LRRTM4: variants seen among roughly 807,000 people sequenced by gnomAD.
The protein encoded by LRRTM4 is leucine rich repeat transmembrane neuronal 4, also known as leucine-rich repeat transmembrane neuronal protein 4.
In LRRTM4, 25 loss-of-function variants were observed where a neutral mutation model predicts 47.6. The ratio of observed to expected loss-of-function variants is 0.53; its 90% CI spans 0.38 to 0.73. The LOEUF (loss-of-function observed/expected upper bound fraction) is 0.73. Ranked by LOEUF, LRRTM4 falls within the 30% of genes least tolerant of loss-of-function variation. The pLI is 0.00. For synonymous variants in LRRTM4, 311 were observed against 269.5 expected, an observed-to-expected ratio of 1.15 and a Z score of -1.51; for missense variants, 638 against 713.4, an observed-to-expected ratio of 0.89 and a Z score of 1.20.
At chr2:77,496,312 TTTTA>T (rs1213160501) in intron 3 of LRRTM4, among the ~76,000 whole-genome samples, 3 of 151,864 alleles carry the variant, frequency 2.0e-5, no homozygotes, top group Non-Finnish European at 4.4e-5. Flanking sequence ...TCTCTATGCC[TTTTA>T]TTTCTTTTTC....
At chr2:77,517,185 T>G (rs1679242689) in intron 3 of LRRTM4, 1 of 984,952 alleles carries the variant, frequency 1.0e-6, no homozygotes, top group South Asian at 4.7e-5. Context: ...TTTGTGACTA[T>G]TTGTCTGCTC....
chr2:77,484,965 C>T (rs1333510371), intron 3 of LRRTM4, among the ~76,000 whole-genome samples: 2 of 151,912 alleles, frequency 1.3e-5, no homozygotes, highest in Non-Finnish European at 2.9e-5. Context: ...TGCAGAAAGA[C>T]TAGGAAAACT....
intron 3 of LRRTM4, among the ~76,000 whole-genome samples, chr2:77,010,093 G>C (rs1259145557): frequency 2.0e-5 from 3 of 151,876 alleles, no homozygotes; most frequent in African/African-American, 7.2e-5. Flanking sequence ...GTTAATTCAA[G>C]CTATTTAACA....
chr2:77,118,625 TGA>T (rs1168052395), intron 3 of LRRTM4, among the ~76,000 whole-genome samples: 3 of 151,878 alleles, frequency 2.0e-5, no homozygotes, highest in African/African-American at 2.4e-5. Context: ...GGTGAATGAA[TGA>T]TCATCCCTGA....
At chr2:77,411,424 C>CTTTG (rs72056870) in intron 3 of LRRTM4, among the ~76,000 whole-genome samples, 1 of 94,372 alleles carries the variant, frequency 1.1e-5, no homozygotes, top group African/African-American at 2.9e-5. Flanking sequence ...TTTCTTGTTT[C>CTTTG]TCTCTCTCTC....
chr2:76,916,384 C>CAAAAAAAAAAAAAAAAAAAAAAAAAA (rs57874749), intron 3 of LRRTM4, among the ~76,000 whole-genome samples: 2 of 53,498 alleles, frequency 3.7e-5, no homozygotes, highest in African/African-American at 1.6e-4. Context: ...GACTGTGTCT[C>CAAAAAAAAAAAAAAAAAAAAAAAAAA]AAAAAAAAAA....
At chr2:76,801,768 T>C (rs960826707) in intron 3 of LRRTM4, among the ~76,000 whole-genome samples, 3 of 152,238 alleles carry the variant, frequency 2.0e-5, no homozygotes, top group East Asian at 1.9e-4. Context: ...AAAAGGATCA[T>C]TCACCACGAT....
In LRRTM4 at chr2:76,748,225, A is replaced by G. The variant is rs1337056691; in HGVS notation, c.*470T>C. 6.5e-6 allele frequency: 1 copy of G among 153,948 alleles called. No individual in the cohort carries two copies. Among genetic ancestry groups the G allele is most frequent in the African/African-American group, 2.4e-5 (1 of 41,474 alleles). The allele number at this position is 153,948 out of a possible 1,614,324, so 9.5% of individuals were successfully genotyped here. A position where few individuals can be genotyped will look rare whatever the true frequency, so the allele number is the denominator to read the frequency against. On this transcript the variant is annotated 3_prime_UTR_variant, in exon 4 of 4. Coordinates refer to ENST00000409884, the MANE Select transcript of LRRTM4 (RefSeq NM_001134745.3). ...CAAACAGCATTTTTAAAGAAAAAAT[A>G]AATGAAAGCAATTTAAATAAAATCT...
At chr2:77,030,509 AT>A (rs1678616492) in intron 3 of LRRTM4, among the ~76,000 whole-genome samples, 1 of 152,206 alleles carries the variant, frequency 6.6e-6, no homozygotes. Flanking sequence ...TTAAATCTAA[AT>A]TTGTAAAACC....
At chr2:76,866,019 C>CA (rs1162948774) in intron 3 of LRRTM4, among the ~76,000 whole-genome samples, 1 of 152,094 alleles carries the variant, frequency 6.6e-6, no homozygotes, top group Non-Finnish European at 1.5e-5. Context: ...AAGATTTACT[C>CA]AGTAGCCACC....
At position 76,796,061 on chromosome 2, in the gene LRRTM4, A is replaced by G. The variant is rs1326384752; in HGVS notation, c.1552-47145T>C. 1.7e-5 allele frequency among the ~76,000 whole-genome samples: 2 copies of G among 116,166 alleles called. 1 individual carries two copies. Among genetic ancestry groups the G allele is most frequent in the Non-Finnish European group, 3.4e-5 (2 of 59,148 alleles). 76.2% of individuals were successfully genotyped at this position (116,166 alleles called of 152,430 possible). ...GTCAAAGAAAGGGGTGATGTACTGC[A>G]CCTGGAAAATCGGGTCACTCCCACC... On this transcript the variant is annotated intron_variant, in intron 3 of 3. Coordinates refer to ENST00000409884, the MANE Select transcript of LRRTM4 (RefSeq NM_001134745.3).
intron 3 of LRRTM4, among the ~76,000 whole-genome samples, chr2:76,905,860 C>A (rs1423546653): frequency 1.3e-5 from 2 of 152,162 alleles, no homozygotes; most frequent in African/African-American, 2.4e-5. Flanking sequence ...AAGACCAAAT[C>A]TACATCTGAT....
At chr2:76,803,657 A>G (rs1178840649) in intron 3 of LRRTM4, among the ~76,000 whole-genome samples, 1 of 152,160 alleles carries the variant, frequency 6.6e-6, no homozygotes, top group Non-Finnish European at 1.5e-5. Flanking sequence ...TTTAAAGAGT[A>G]TTTGAAGAAA....
intron 3 of LRRTM4, chr2:77,009,906 G>A (rs906044918): frequency 4.0e-5 from 6 of 151,164 alleles, no homozygotes; most frequent in African/African-American, 1.5e-4. Flanking sequence ...CTTTTATTTT[G>A]CTCAGGACAG....
intron 3 of LRRTM4, among the ~76,000 whole-genome samples, chr2:77,385,290 A>G (rs2103801045): frequency 6.6e-6 from 1 of 152,280 alleles, no homozygotes; most frequent in East Asian, 1.9e-4. Context: ...ACATTTCTCA[A>G]CCTTTTGTCC....
chr2:76,908,793 G>T (rs1028044587), intron 3 of LRRTM4, among the ~76,000 whole-genome samples: 4 of 151,968 alleles, frequency 2.6e-5, no homozygotes, highest in African/African-American at 9.7e-5. Flanking sequence ...CAAGGGATGT[G>T]AAGGACCTCT....
Position 76,934,634 on chromosome 2 carries a change from G to T in LRRTM4, c.1552-185718C>A, listed in dbSNP as rs77393469. ...GTGGCCAATTTCAAGGTATCAGTAC[G>T]ATGTCCCTGAACATGGAGCTGGGAA... On this transcript the variant is annotated intron_variant, in intron 3 of 3. Coordinates refer to ENST00000409884, the MANE Select transcript of LRRTM4 (RefSeq NM_001134745.3). 4.3e-3 allele frequency among the ~76,000 whole-genome samples: 650 copies of T among 152,240 alleles called. 24 individuals carry two copies. In the South Asian group the frequency reaches 0.067, roughly 16 times the overall value.
At chr2:77,349,787 G>A (rs978238149) in intron 3 of LRRTM4, among the ~76,000 whole-genome samples, 14 of 152,046 alleles carry the variant, frequency 9.2e-5, no homozygotes, top group Non-Finnish European at 1.2e-4. Flanking sequence ...ATATGAAAAT[G>A]TTATGAAAGT....
intron 3 of LRRTM4, among the ~76,000 whole-genome samples, chr2:76,993,109 A>AT (rs1677071794): frequency 6.6e-6 from 1 of 151,860 alleles, no homozygotes. Context: ...TTCTGTGTAT[A>AT]TAAAAATAAC....
Sources: allele counts gnomAD v4.1 joint callset (sites outside exome capture counted in the v4.1 genomes callset), GRCh38; gene constraint gnomAD v4.1.1; transcripts MANE v1.5; gene names NCBI Gene and HGNC (gene_info 2026-07-23, HGNC 2026-07-21).